RCL1: variants seen among roughly 807,000 people sequenced by gnomAD.
The protein encoded by RCL1 is RNA terminal phosphate cyclase like 1, also known as RNA 3'-terminal phosphate cyclase-like protein.
Under a neutral mutation model 42.4 loss-of-function variants are expected in RCL1, and 24 were observed. The ratio of observed to expected loss-of-function variants is 0.57; its 90% CI spans 0.41 to 0.80. The LOEUF (loss-of-function observed/expected upper bound fraction) is 0.80. Ranked by LOEUF, RCL1 falls within the 30% of genes least tolerant of loss-of-function variation. RCL1 has a pLI of 0.00. For missense variants in RCL1, 578 were observed against 467.9 expected, an observed-to-expected ratio of 1.24 and a Z score of -2.17; for synonymous variants, 228 against 177.3, an observed-to-expected ratio of 1.29 and a Z score of -2.27.
At chr9:4,842,470 C>A (rs1817365982) in intron 6 of RCL1, among the ~76,000 whole-genome samples, 1 of 152,190 alleles carries the variant, frequency 6.6e-6, no homozygotes, top group Non-Finnish European at 1.5e-5. Flanking sequence ...CTGGTGGCGT[C>A]ATAACGCTGG....
At chr9:4,821,871 C>T (rs1245252525) in intron 1 of RCL1, among the ~76,000 whole-genome samples, 1 of 152,188 alleles carries the variant, frequency 6.6e-6, no homozygotes, top group Non-Finnish European at 1.5e-5. Flanking sequence ...AGGCCAGAGC[C>T]CTTGTGGCTT....
chr9:4,805,986 GTTGA>G (rs963850208), intron 1 of RCL1, among the ~76,000 whole-genome samples: 13 of 150,742 alleles, frequency 8.6e-5, no homozygotes, highest in African/African-American at 2.9e-4. Flanking sequence ...TAGTTTCTGT[GTTGA>G]TTATTAGTAT....
chr9:4,799,296 C>G (rs1328419825), intron 1 of RCL1, among the ~76,000 whole-genome samples: 3 of 152,028 alleles, frequency 2.0e-5, no homozygotes, highest in South Asian at 2.1e-4. Flanking sequence ...TCAGATGGAA[C>G]TATCTACCAT....
intron 5 of RCL1, among the ~76,000 whole-genome samples, chr9:4,840,170 C>A (rs780309003): frequency 6.6e-6 from 1 of 151,900 alleles, no homozygotes; most frequent in African/African-American, 2.4e-5. Context: ...GGTCATGTAT[C>A]GTCTCTGAGC....
intron 8 of RCL1, among the ~76,000 whole-genome samples, chr9:4,852,181 A>T (rs1817777200): frequency 6.6e-6 from 1 of 152,174 alleles, no homozygotes; most frequent in African/African-American, 2.4e-5. Flanking sequence ...AAGTCCGGCC[A>T]ATGTGAAACT....
At chr9:4,845,749 C>G (rs554178993) in intron 7 of RCL1, among the ~76,000 whole-genome samples, 2 of 152,226 alleles carry the variant, frequency 1.3e-5, no homozygotes, top group South Asian at 2.1e-4. Flanking sequence ...GTCCCAGATT[C>G]TTGAACTGAG....
intron 1 of RCL1, among the ~76,000 whole-genome samples, chr9:4,793,603 G>C (rs1485621139): frequency 6.6e-6 from 1 of 152,222 alleles, no homozygotes; most frequent in Non-Finnish European, 1.5e-5. Context: ...GAAATATGGT[G>C]AATGAGCCGG....
intron 8 of RCL1, chr9:4,850,493 CTTTTTTTTTTTT>C (rs35181848): frequency 4.4e-5 from 6 of 136,958 alleles, no homozygotes; most frequent in African/African-American, 2.3e-4. Context: ...TTTTTTTTTT[CTTTTTTTTTTTT>C]TTTTTGGAAT....
chr9:4,793,547 G>A (rs940479430), intron 1 of RCL1, among the ~76,000 whole-genome samples: 6 of 152,244 alleles, frequency 3.9e-5, no homozygotes, highest in African/African-American at 1.4e-4. Flanking sequence ...GGCCCCTCTT[G>A]CCCTCGCCAT....
At chr9:4,818,853 C>T (rs1285620740) in intron 1 of RCL1, among the ~76,000 whole-genome samples, 13 of 135,076 alleles carry the variant, frequency 9.6e-5, no homozygotes, top group Admixed American at 4.0e-4. Flanking sequence ...GCCTGGGCAA[C>T]GCAGCAAGAC....
At chr9:4,834,477 T>C (rs1450857690) in intron 5 of RCL1, among the ~76,000 whole-genome samples, 1 of 151,676 alleles carries the variant, frequency 6.6e-6, no homozygotes, top group Non-Finnish European at 1.5e-5. Context: ...CATTCTTTTT[T>C]TTTTTTTTTT....
Position 4,793,081 on chromosome 9 carries a change from A to G in RCL1, c.-11A>G. On this transcript the variant is annotated 5_prime_UTR_variant, in exon 1 of 9. Coordinates refer to ENST00000381750, the MANE Select transcript of RCL1 (RefSeq NM_005772.5). ...TCTCGGGCTGCTCACGTCTCTTCGG[A>G]GAGCGCGCACATGGCGACTCAGGCG... The G allele has an allele frequency of 1.2e-6, 2 of 1,607,080 alleles. No homozygotes were observed. Among genetic ancestry groups the G allele is most frequent in the African/African-American group, 1.3e-5 (1 of 74,242 alleles).
At chr9:4,806,030 G>GTGTGTGTGTGTGTGTGTGTT (rs1815941129) in intron 1 of RCL1, among the ~76,000 whole-genome samples, 2 of 140,378 alleles carry the variant, frequency 1.4e-5, no homozygotes, top group Non-Finnish European at 3.1e-5. Context: ...GTGTGTGTGT[G>GTGTGTGTGTGTGTGTGTGTT]TGTGTGTGTG....
At chr9:4,793,317 G>C in intron 1 of RCL1, 90 bp downstream of exon 1, 2 of 1,385,364 alleles carry the variant, frequency 1.4e-6, no homozygotes, top group Non-Finnish European at 1.9e-6. Context: ...TGTTGGTTGG[G>C]CGGCTCGGCG....
intron 1 of RCL1, chr9:4,804,336 C>G (rs1338972823): frequency 1.3e-5 from 2 of 152,470 alleles, no homozygotes; most frequent in Non-Finnish European, 2.9e-5. Context: ...CCTCTATGGG[C>G]CAGACGTTGG....
intron 1 of RCL1, among the ~76,000 whole-genome samples, chr9:4,814,473 G>T (rs1375196988): frequency 6.6e-6 from 1 of 152,004 alleles, no homozygotes; most frequent in Non-Finnish European, 1.5e-5. Flanking sequence ...TCGCTTTGTT[G>T]CCCAGGCTGG....
At position 4,835,032 on chromosome 9, in the gene RCL1, G is replaced by A. The variant is rs193205504; in HGVS notation, c.584+767G>A. On this transcript the variant is annotated intron_variant, in intron 5 of 8. Coordinates refer to ENST00000381750, the MANE Select transcript of RCL1 (RefSeq NM_005772.5). The stretch of plus-strand genomic sequence containing the variant: ...ATTGCAAAGTAGAGCAAGAAAGGAG[G>A]AGGGCTTCAGGCAGAAAAGTGGGCC... 1.4e-4 allele frequency among the ~76,000 whole-genome samples: 21 copies of A among 152,350 alleles called. No individual in the cohort carries two copies. In the East Asian group the frequency reaches 4.0e-3, roughly 29 times the overall value.
chr9:4,856,891 A>G (rs1441415125), intron 8 of RCL1, among the ~76,000 whole-genome samples: 3 of 152,164 alleles, frequency 2.0e-5, no homozygotes, highest in Non-Finnish European at 4.4e-5. Context: ...GGAATTGTTC[A>G]GGCCCCCTTT....
chr9:4,802,928 C>G (rs1489371884), intron 1 of RCL1, among the ~76,000 whole-genome samples: 3 of 152,214 alleles, frequency 2.0e-5, no homozygotes, highest in Non-Finnish European at 4.4e-5. Flanking sequence ...TCAAGCAATC[C>G]TCTTGCCTCA....
Sources: allele counts gnomAD v4.1 joint callset (sites outside exome capture counted in the v4.1 genomes callset), GRCh38; gene constraint gnomAD v4.1.1; transcripts MANE v1.5; gene names NCBI Gene and HGNC (gene_info 2026-07-23, HGNC 2026-07-21).